The following GTPBP1 variants were observed in gnomAD, a reference collection of about 807,000 sequenced individuals.
The protein encoded by GTPBP1 is GTP-binding protein 1.
Under a neutral mutation model 62.0 loss-of-function variants are expected in GTPBP1, and 23 were observed. The observed-to-expected ratio is 0.37, with a 90% CI of 0.27 to 0.53. The LOEUF is 0.53. Ranked by LOEUF, GTPBP1 falls within the 20% of genes least tolerant of loss-of-function variation. GTPBP1 has a pLI of 0.89. For missense variants in GTPBP1, 640 were observed against 917.3 expected (o/e 0.70, Z 3.90); for synonymous variants, 344 against 364.4 (o/e 0.94, Z 0.64).
Position 38,727,383 on chromosome 22 carries a change from G to A in GTPBP1, c.1537+35G>A, listed in dbSNP as rs751927632. ...TAAGGCCCTGCCAGCCCAGGAGGCCGTCGTGTTAGCTCCCCTCAGAAGGTG... is the reference window on the plus strand; with the variant it reads ...TAAGGCCCTGCCAGCCCAGGAGGCCATCGTGTTAGCTCCCCTCAGAAGGTG... On this transcript the variant is annotated intron_variant, in intron 9 of 11. Transcript: ENST00000216044. This position sits in a 1 kb window ranked among gnomAD's most constrained non-coding sequence, Gnocchi z 6.5. 2.3e-5 allele frequency: 35 copies of A among 1,499,086 alleles called. No individual in the cohort carries two copies. Among genetic ancestry groups the A allele is most frequent in the East Asian group, 7.6e-5 (3 of 39,456 alleles). 92.9% of individuals were successfully genotyped at this position (1,499,086 alleles called of 1,614,324 possible). A position where few individuals can be genotyped will look rare whatever the true frequency, so the allele number is the denominator to read the frequency against.
chr22:38,712,070 G>A (rs1051857254), intron 2 of GTPBP1, among the ~76,000 whole-genome samples: 1 of 151,826 alleles, frequency 6.6e-6, no homozygotes, highest in Non-Finnish European at 1.5e-5. Flanking sequence ...TATTAGAGAC[G>A]GGGTTTCACC....
downstream of GTPBP1, chr22:38,734,645 C>T (rs558019018): frequency 2.5e-5 from 5 of 198,626 alleles, no homozygotes; most frequent in South Asian, 1.3e-4. Flanking sequence ...TGGGGACATT[C>T]GTTTGGCCAA....
Position 38,726,470 on chromosome 22 carries a change from T to G in GTPBP1, c.1401+30T>G. On this transcript the variant is annotated intron_variant, in intron 8 of 11. Coordinates refer to ENST00000216044, the MANE Select transcript of GTPBP1 (RefSeq NM_004286.5). This position sits in a 1 kb window ranked among gnomAD's most constrained non-coding sequence, Gnocchi z 4.1. The stretch of plus-strand genomic sequence containing the variant: ...GTAGCGATGATACTGAACGCTCCCC[T>G]CAGACTCCATCATGCTAGGCTCTTG... The G allele has an allele frequency of 6.3e-7, 1 of 1,578,534 alleles. No homozygotes were observed. Among genetic ancestry groups the G allele is most frequent in the Non-Finnish European group, 8.7e-7 (1 of 1,150,988 alleles).
downstream of GTPBP1, chr22:38,739,635 C>T (rs2092836997): frequency 2.0e-6 from 3 of 1,496,738 alleles, no homozygotes; most frequent in Middle Eastern, 1.8e-4. The surrounding 1 kb of genome is among the most constrained non-coding windows in gnomAD (Gnocchi z 6.7). Context: ...CTGGAACCTG[C>T]CAGGGAGCTG....
intron 1 of GTPBP1, among the ~76,000 whole-genome samples, chr22:38,707,731 A>G (rs755133412): frequency 3.3e-5 from 5 of 152,246 alleles, no homozygotes; most frequent in Non-Finnish European, 5.9e-5. Flanking sequence ...TAATATTCCT[A>G]GAAGTGTTAT....
At chr22:38,740,697 A>G, downstream of GTPBP1, 1 of 576,076 alleles carries the variant, frequency 1.7e-6, no homozygotes, top group Non-Finnish European at 3.1e-6. The surrounding 1 kb of genome is among the most constrained non-coding windows in gnomAD (Gnocchi z 4.8). Context: ...CATCCTCCAC[A>G]AGCATGGACA....
chr22:38,741,363 T>C, downstream of GTPBP1: 1 of 937,362 alleles, frequency 1.1e-6, no homozygotes, highest in African/African-American at 1.6e-5. Flanking sequence ...AACAGAGAAG[T>C]CAGAGGAGGG....
At position 38,716,744 on chromosome 22, in the gene GTPBP1, G is replaced by A; in HGVS notation, c.578G>A (p.Arg193His). 1 of 1,614,104 alleles carries A rather than the reference G, an allele frequency of 6.2e-7. No homozygotes were observed. Among genetic ancestry groups the A allele is most frequent in the Non-Finnish European group, 8.5e-7 (1 of 1,179,988 alleles). Reference protein sequence around the residue: ...GELDNGRGFARQKLFRHKHEI... With the variant: ...GELDNGRGFAHQKLFRHKHEI... ...CTGGACAATGGCCGAGGCTTTGCCCGCCAGAAACTCTTCCGCCACAAACAT... is the reference window on the plus strand; with the variant it reads ...CTGGACAATGGCCGAGGCTTTGCCCACCAGAAACTCTTCCGCCACAAACAT... The change falls in exon 4 of 12, where the codon CGC becomes CAC. Residue 193 changes from arginine (R) to histidine (H), a missense_variant. By Grantham distance (29) the Arg-to-His change is conservative. Transcript: ENST00000216044. The surrounding 1 kb of genome is among the most constrained non-coding windows in gnomAD (Gnocchi z 5.2).
intron 2 of GTPBP1, among the ~76,000 whole-genome samples, chr22:38,711,098 C>G (rs554516727): frequency 1.3e-5 from 2 of 152,194 alleles, no homozygotes; most frequent in South Asian, 2.1e-4. Flanking sequence ...AAGACTAACC[C>G]AGATACACGG....
downstream of GTPBP1, chr22:38,734,353 C>T (rs187520442): frequency 1.1e-5 from 5 of 446,606 alleles, no homozygotes; most frequent in Admixed American, 1.3e-4. Context: ...ATAGCGAATT[C>T]CCATGGAGGA....
intron 2 of GTPBP1, among the ~76,000 whole-genome samples, chr22:38,710,779 G>A (rs1390175342): frequency 6.6e-6 from 1 of 152,168 alleles, no homozygotes; most frequent in Non-Finnish European, 1.5e-5. Context: ...ATTTTGACAA[G>A]TGTTGAGTCT....
At chr22:38,706,930 G>C (rs140252286) in intron 1 of GTPBP1, 1 of 152,332 alleles carries the variant, frequency 6.6e-6, no homozygotes, top group Non-Finnish European at 1.5e-5. Context: ...GATGTGACTG[G>C]TGTTTTGAAG....
chr22:38,728,440 T>C, intron 10 of GTPBP1: 1 of 438,574 alleles, frequency 2.3e-6, no homozygotes, highest in Non-Finnish European at 4.2e-6. Flanking sequence ...AGGCTCAGCC[T>C]CCAGGGTGCT....
downstream of GTPBP1, chr22:38,739,405 G>A (rs1471448794): frequency 6.2e-7 from 1 of 1,613,122 alleles, no homozygotes; most frequent in Non-Finnish European, 8.5e-7. The surrounding 1 kb of genome is among the most constrained non-coding windows in gnomAD (Gnocchi z 6.7). Context: ...TGCAGGGCCT[G>A]CTTCACGATG....
Position 38,726,646 on chromosome 22 carries a change from C to T in GTPBP1, c.1401+206C>T, listed in dbSNP as rs568054304. Among the ~76,000 whole-genome samples, 7 of 152,332 alleles carry T rather than the reference C, an allele frequency of 4.6e-5. No homozygotes were observed. The South Asian group carries it at 1.5e-3, about 32-fold the overall frequency. On this transcript the variant is annotated intron_variant, in intron 8 of 11. Coordinates refer to ENST00000216044, the MANE Select transcript of GTPBP1 (RefSeq NM_004286.5). This position sits in a 1 kb window ranked among gnomAD's most constrained non-coding sequence, Gnocchi z 4.1. ...TTGTAAGTGCTAGAGCGAGGAATGCCTCCTTCTAAGCTCCGTTCCTCCCTC... is the reference window on the plus strand; with the variant it reads ...TTGTAAGTGCTAGAGCGAGGAATGCTTCCTTCTAAGCTCCGTTCCTCCCTC...
intron 4 of GTPBP1, among the ~76,000 whole-genome samples, chr22:38,721,472 C>T (rs950815601): frequency 6.6e-6 from 1 of 152,198 alleles, no homozygotes; most frequent in African/African-American, 2.4e-5. Flanking sequence ...CTTCCTTGGC[C>T]TCCCAAAGTG....
intron 5 of GTPBP1, chr22:38,723,508 C>G: frequency 1.4e-6 from 1 of 699,976 alleles, no homozygotes; most frequent in Non-Finnish European, 2.5e-6. Context: ...CTACCATCTT[C>G]AGTGCACGCG....
Position 38,729,522 on chromosome 22 carries a change from T to G in GTPBP1, c.1777T>G (p.Ser593Ala), listed in dbSNP as rs1439446713. ...NSKPQQIKMQ[S>A]TKKGPLTKRD... is the part of the protein sequence containing the mutation. ...CAAGCCGCAGCAGATTAAAATGCAG[T>G]CGACGAAAAAGGGCCCCCTGACGAA... Residue 593 changes from serine to alanine, a missense_variant, in exon 11 of 12, where the codon TCG becomes GCG. By Grantham distance (99) the Ser-to-Ala change is moderately conservative. Transcript: ENST00000216044. The G allele has an allele frequency of 6.2e-7, 1 of 1,609,144 alleles. No individual in the cohort carries two copies. Among genetic ancestry groups the G allele is most frequent in the African/African-American group, 1.3e-5 (1 of 74,476 alleles).
Position 38,708,972 on chromosome 22 carries a change from C to T in GTPBP1, c.304+16C>T, listed in dbSNP as rs774916824. ...CAGGGATCAGGTGAGCATAGTTTTC[C>T]TTTCACTTTATTTTTAAAAATTATT... On this transcript the variant is annotated intron_variant, in intron 2 of 11. Coordinates refer to ENST00000216044, the MANE Select transcript of GTPBP1 (RefSeq NM_004286.5). 2.8e-6 allele frequency: 4 copies of T among 1,442,560 alleles called. No individual in the cohort carries two copies. The highest frequency in any genetic ancestry group is 2.3e-5 in the East Asian group (1 of 44,086). 89.4% of individuals were successfully genotyped at this position (1,442,560 alleles called of 1,614,324 possible).
Sources: gnomAD v4.1 joint callset for allele counts (sites outside exome capture counted in the v4.1 genomes callset) on GRCh38, gnomAD v4.1.1 for gene constraint, Gnocchi (gnomAD v3.1) non-coding constraint, MANE v1.5 for transcripts, NCBI Gene and HGNC (gene_info 2026-07-23, HGNC 2026-07-21) for gene names.